RIMS2: variants seen among roughly 807,000 people sequenced by gnomAD.
RIMS2 encodes the protein regulating synaptic membrane exocytosis 2, also known as regulating synaptic membrane exocytosis protein 2.
In RIMS2, 59 loss-of-function variants were observed where a neutral mutation model predicts 174.4. The ratio of observed to expected loss-of-function variants is 0.34; its 90% CI spans 0.27 to 0.42. The LOEUF (loss-of-function observed/expected upper bound fraction) is 0.42, where lower values mean the gene tolerates loss of function less well. Ranked by LOEUF, RIMS2 falls within the 10% of genes least tolerant of loss-of-function variation. The probability of loss-of-function intolerance (pLI) is 1.00; values close to 1 mark genes in which losing one functional copy is unlikely to be tolerated. For synonymous variants in RIMS2, 606 were observed against 572.5 expected (o/e 1.06, Z -0.84); for missense variants, 1,620 against 1,666.3 (o/e 0.97, Z 0.48).
intron 1 of RIMS2, among the ~76,000 whole-genome samples, chr8:103,679,390 A>G (rs1367950391): frequency 6.6e-6 from 1 of 152,070 alleles, no homozygotes; most frequent in Non-Finnish European, 1.5e-5. Context: ...ACATCAATCA[A>G]GAAATTCACA....
At chr8:103,555,411 TG>T in intron 1 of RIMS2, among the ~76,000 whole-genome samples, 1 of 152,250 alleles carries the variant, frequency 6.6e-6, no homozygotes, top group African/African-American at 2.4e-5. Context: ...TACACATGGT[TG>T]GTAGGAATGT....
intron 3 of RIMS2, among the ~76,000 whole-genome samples, chr8:103,847,298 T>C (rs2098972979): frequency 6.6e-6 from 1 of 152,080 alleles, no homozygotes; most frequent in Non-Finnish European, 1.5e-5. Flanking sequence ...CAGCTTATGA[T>C]AACCATTGAA....
chr8:103,564,712 T>G (rs59857402), intron 1 of RIMS2, among the ~76,000 whole-genome samples: 18,876 of 152,186 alleles, frequency 0.12, 1,270 homozygotes, highest in Middle Eastern at 0.22. Flanking sequence ...GCTTTTATCC[T>G]AGCTGTGCTG....
chr8:103,930,549 A>C (rs1470296138), intron 11 of RIMS2, among the ~76,000 whole-genome samples: 2 of 152,072 alleles, frequency 1.3e-5, no homozygotes, highest in East Asian at 1.9e-4. Flanking sequence ...TGAATTCAGC[A>C]GTTGGATATG....
intron 19 of RIMS2, among the ~76,000 whole-genome samples, chr8:104,220,917 ATTTC>A (rs1427370521): frequency 6.6e-6 from 1 of 152,006 alleles, no homozygotes; most frequent in African/African-American, 2.4e-5. Flanking sequence ...TTGCCAATTT[ATTTC>A]TTTAAGATTC....
intron 2 of RIMS2, among the ~76,000 whole-genome samples, chr8:103,746,574 A>G (rs959775348): frequency 1.3e-5 from 2 of 152,076 alleles, no homozygotes; most frequent in African/African-American, 4.8e-5. Context: ...AGTATCCATT[A>G]GTTGTTTTCC....
In RIMS2 at chr8:103,748,162, C is replaced by T. The variant is rs150348456; in HGVS notation, c.388-18065C>T. Among the ~76,000 whole-genome samples the T allele has an allele frequency of 2.8e-4, 43 of 152,114 alleles. No homozygotes were observed. In the East Asian group the frequency reaches 5.4e-3, roughly 19 times the overall value. ...TAACCTTAAAGTTTTCAAGAATTAG[C>T]GGGGTGTGGTGGCTCACACCTGTAA... On this transcript the variant is annotated intron_variant, in intron 2 of 23. Transcript: ENST00000504942.
chr8:104,225,727 A>G (rs183573134), intron 19 of RIMS2, among the ~76,000 whole-genome samples: 2 of 152,330 alleles, frequency 1.3e-5, no homozygotes, highest in Admixed American at 6.5e-5. Context: ...ACAGATTTCT[A>G]TCCCATAATA....
chr8:103,673,310 G>C (rs1406989279), intron 1 of RIMS2, among the ~76,000 whole-genome samples: 2 of 152,204 alleles, frequency 1.3e-5, no homozygotes, highest in African/African-American at 4.8e-5. Flanking sequence ...CTACTAGGCA[G>C]TGCCCCAGGG....
chr8:103,808,628 A>AT, intron 3 of RIMS2, among the ~76,000 whole-genome samples: 1 of 152,192 alleles, frequency 6.6e-6, no homozygotes, highest in Non-Finnish European at 1.5e-5. Context: ...CTCCTTTAGC[A>AT]TTCTTTGTCT....
chr8:103,752,239 A>G (rs199729212), intron 2 of RIMS2, among the ~76,000 whole-genome samples: 2 of 152,104 alleles, frequency 1.3e-5, no homozygotes, highest in African/African-American at 4.8e-5. Flanking sequence ...TTTCTCAGGT[A>G]TGTCAAAGAT....
chr8:104,187,024 T>C (rs1455628980), intron 19 of RIMS2, among the ~76,000 whole-genome samples: 1 of 151,580 alleles, frequency 6.6e-6, no homozygotes, highest in Non-Finnish European at 1.5e-5. Context: ...TGGGAAAAAA[T>C]AGTACTGACA....
chr8:103,652,782 A>C, intron 1 of RIMS2, 72 bp downstream of exon 3: 1 of 936,018 alleles, frequency 1.1e-6, no homozygotes, highest in Non-Finnish European at 1.5e-6. Context: ...ATGTGTTAAA[A>C]TACTGTCCTT....
At chr8:103,510,664 G>A (rs1319037530) in intron 1 of RIMS2, among the ~76,000 whole-genome samples, 2 of 151,974 alleles carry the variant, frequency 1.3e-5, no homozygotes, top group African/African-American at 4.8e-5. Context: ...AATCTTTATT[G>A]CGATGCCGTC....
intron 19 of RIMS2, among the ~76,000 whole-genome samples, chr8:104,084,958 A>G (rs2154563787): frequency 6.6e-6 from 1 of 152,312 alleles, no homozygotes; most frequent in East Asian, 1.9e-4. Context: ...TCATTATGGT[A>G]TACTGCCTCT....
intron 19 of RIMS2, among the ~76,000 whole-genome samples, chr8:104,117,628 T>C (rs535725014): frequency 1.3e-5 from 2 of 152,232 alleles, no homozygotes; most frequent in African/African-American, 4.8e-5. Flanking sequence ...AGGCATGACC[T>C]ACCACACCTA....
At chr8:103,831,514 A>G (rs143987132) in intron 3 of RIMS2, among the ~76,000 whole-genome samples, 232 of 152,266 alleles carry the variant, frequency 1.5e-3, no homozygotes, top group African/African-American at 4.9e-3. Flanking sequence ...ACCTCGGCCA[A>G]TTGGCCTTCT....
chr8:103,898,511 G>C (rs776352123), intron 4 of RIMS2, among the ~76,000 whole-genome samples: 11 of 151,566 alleles, frequency 7.3e-5, no homozygotes, highest in Non-Finnish European at 1.2e-4. Flanking sequence ...GCTACTACTT[G>C]ATTGAGTTTA....
intron 4 of RIMS2, among the ~76,000 whole-genome samples, chr8:103,905,755 G>A (rs1331475763): frequency 6.7e-6 from 1 of 148,470 alleles, no homozygotes. Context: ...AGGCCCTTGA[G>A]GCTCCGTTCA....
Sources: gnomAD v4.1 joint callset for allele counts (sites outside exome capture counted in the v4.1 genomes callset) on GRCh38, gnomAD v4.1.1 for gene constraint, MANE v1.5 for transcripts, NCBI Gene and HGNC (gene_info 2026-07-23, HGNC 2026-07-21) for gene names.